KIT: variants seen among roughly 807,000 people sequenced by gnomAD.
KIT encodes the protein KIT proto-oncogene, receptor tyrosine kinase, also known as mast/stem cell growth factor receptor Kit.
A neutral mutation model predicts 105.7 loss-of-function variants in KIT; 16 were observed. That is an observed-to-expected ratio of 0.15 (90% CI 0.10 to 0.23). KIT has a LOEUF of 0.23. Ranked by LOEUF, KIT falls within the 10% of genes least tolerant of loss-of-function variation. The pLI is 1.00. For synonymous variants in KIT, 438 were observed against 441.1 expected (o/e 0.99, Z 0.09); for missense variants, 858 against 1,213.8 (o/e 0.71, Z 4.36).
chr4:54,677,350 G>A (rs993141301), intron 1 of KIT, among the ~76,000 whole-genome samples: 3 of 151,372 alleles, frequency 2.0e-5, no homozygotes, highest in Non-Finnish European at 4.4e-5. Flanking sequence ...CTGTGGCAGC[G>A]AAATTTCATA....
At chr4:54,674,484 GCT>G (rs1201858698) in intron 1 of KIT, among the ~76,000 whole-genome samples, 1 of 151,896 alleles carries the variant, frequency 6.6e-6, no homozygotes, top group Non-Finnish European at 1.5e-5. Context: ...TTTTGAGTCT[GCT>G]CTCTGTCAGT....
At chr4:54,670,719 A>T (rs767196422) in intron 1 of KIT, among the ~76,000 whole-genome samples, 7 of 152,104 alleles carry the variant, frequency 4.6e-5, no homozygotes, top group Non-Finnish European at 8.8e-5. Context: ...CCTCTCTCCC[A>T]AAGCCAGTCA....
At position 54,739,506 on chromosome 4, in the gene KIT, G is replaced by T; in HGVS notation, c.*949G>T. The stretch of plus-strand genomic sequence containing the variant: ...GAATGGCATTGTACTCAATGGATTT[G>T]ATGCTGTTTGACAAAGTTACTGATT... On this transcript the variant is annotated 3_prime_UTR_variant, in exon 21 of 21. Transcript: ENST00000288135. 1 of 233,532 alleles carries T rather than the reference G, an allele frequency of 4.3e-6. No homozygotes were observed. Among genetic ancestry groups the T allele is most frequent in the South Asian group, 1.8e-4 (1 of 5,526 alleles). 14.5% of individuals were successfully genotyped at this position (233,532 alleles called of 1,614,324 possible). A position where few individuals can be genotyped will look rare whatever the true frequency, so the allele number is the denominator to read the frequency against.
chr4:54,728,134 C>G lies in KIT; in HGVS notation c.1990+13C>G, dbSNP rs781535257. ...TGCACCATTGGAGGTAAAGCCGTGT[C>G]CAAGCTGCCTTTTATTGTCTGTCAG... On this transcript the variant is annotated intron_variant, in intron 13 of 20. Transcript: ENST00000288135. 1 of 1,557,156 alleles carries G rather than the reference C, an allele frequency of 6.4e-7. No individual in the cohort carries two copies.
At chr4:54,712,458 T>C (rs1721222197) in intron 7 of KIT, among the ~76,000 whole-genome samples, 1 of 152,190 alleles carries the variant, frequency 6.6e-6, no homozygotes, top group African/African-American at 2.4e-5. Context: ...GTGTTACCAC[T>C]GTTTCCCTGG....
At chr4:54,683,577 A>G (rs1719100137) in intron 1 of KIT, among the ~76,000 whole-genome samples, 3 of 152,212 alleles carry the variant, frequency 2.0e-5, no homozygotes, top group Admixed American at 2.0e-4. Context: ...CAAATATTAA[A>G]TATTTAACAG....
At chr4:54,724,064 A>C (rs1722066662) in intron 8 of KIT, among the ~76,000 whole-genome samples, 1 of 152,202 alleles carries the variant, frequency 6.6e-6, no homozygotes, top group Non-Finnish European at 1.5e-5. Flanking sequence ...TGAAAAAATT[A>C]CCTCAGTAGT....
chr4:54,684,467 A>G (rs528113775), intron 1 of KIT, among the ~76,000 whole-genome samples: 2 of 151,998 alleles, frequency 1.3e-5, no homozygotes, highest in Non-Finnish European at 2.9e-5. Context: ...CCTTCTAGTC[A>G]TCCCTCTGGC....
At chr4:54,689,738 A>G (rs937901330) in intron 1 of KIT, among the ~76,000 whole-genome samples, 5 of 152,208 alleles carry the variant, frequency 3.3e-5, no homozygotes, top group Non-Finnish European at 7.3e-5. Context: ...AGGATGTACT[A>G]TTTTTAAGTG....
intron 1 of KIT, among the ~76,000 whole-genome samples, chr4:54,683,481 G>GT (rs1295297680): frequency 1.3e-5 from 2 of 152,168 alleles, no homozygotes; most frequent in Non-Finnish European, 2.9e-5. Flanking sequence ...CCACCAAAAG[G>GT]TGGGGGGGTG....
chr4:54,733,101 T>C lies in KIT; in HGVS notation c.2393T>C (p.Ile798Thr), dbSNP rs1722709591. The stretch of plus-strand genomic sequence containing the variant: ...CACAGAGACTTGGCAGCCAGAAATA[T>C]CCTCCTTACTCATGGTCGGATCACA... ...CIHRDLAARN[I>T]LLTHGRITKI... The change falls in exon 17 of 21, where the codon ATC becomes ACC. Residue 798 changes from isoleucine (I) to threonine (T), a missense_variant. Physicochemically the swap from Ile to Thr is moderately conservative, Grantham distance 89 (BLOSUM62 -1). Coordinates refer to ENST00000288135, the MANE Select transcript of KIT (RefSeq NM_000222.3). 1.9e-6 allele frequency: 3 copies of C among 1,612,100 alleles called. No homozygotes were observed. Among genetic ancestry groups the C allele is most frequent in the Non-Finnish European group, 2.5e-6 (3 of 1,178,360 alleles).
chr4:54,686,880 A>G (rs41511044), intron 1 of KIT, among the ~76,000 whole-genome samples: 3,417 of 152,248 alleles, frequency 0.022, 139 homozygotes, highest in African/African-American at 0.078. Flanking sequence ...TGCCTAAATA[A>G]TTGCTTTAAT....
chr4:54,732,045 A>ATTTTTTTTT (rs71662297), intron 16 of KIT, 47 bp downstream of exon 16: 9 of 888,848 alleles, frequency 1.0e-5, no homozygotes, highest in Admixed American at 3.4e-5. Context: ...TGTTTTTTTG[A>ATTTTTTTTT]TTTTTTTTTT....
Position 54,715,700 on chromosome 4 carries a change from C to G in KIT, c.1231+6161C>G, listed in dbSNP as rs557578631. On this transcript the variant is annotated intron_variant, in intron 7 of 20. Transcript: ENST00000288135. Reference sequence around the variant, plus strand: ...AGACACCTCCCATCAGGCCCCACCTCCAGTATTCAGGATCAGTTTTTAAAC... The same window carrying G: ...AGACACCTCCCATCAGGCCCCACCTGCAGTATTCAGGATCAGTTTTTAAAC... Among the ~76,000 whole-genome samples, 355 of 152,268 alleles carry G rather than the reference C, an allele frequency of 2.3e-3. 2 individuals are homozygous for G. Among genetic ancestry groups the G allele is most frequent in the Non-Finnish European group, 4.0e-3 (270 of 68,030 alleles).
chr4:54,735,702 A>T (rs1193099012), intron 17 of KIT, among the ~76,000 whole-genome samples: 1 of 152,238 alleles, frequency 6.6e-6, no homozygotes, highest in Non-Finnish European at 1.5e-5. Flanking sequence ...TGTTTTACAG[A>T]AGAAGATACT....
intron 15 of KIT, 42 bp downstream of exon 15, chr4:54,731,461 A>C (rs779279594): frequency 7.9e-7 from 1 of 1,263,764 alleles, no homozygotes; most frequent in Non-Finnish European, 1.2e-6. Flanking sequence ...AACTTTACAG[A>C]GAGTATGTAT....
intron 1 of KIT, among the ~76,000 whole-genome samples, chr4:54,669,705 GAA>G (rs10603436): frequency 0.47 from 62,427 of 132,586 alleles, 13,508 homozygotes; most frequent in African/African-American, 0.51. Context: ...GTCCAGAAAG[GAA>G]AAAAAAAAAA....
chr4:54,684,635 C>T (rs757745994), intron 1 of KIT, among the ~76,000 whole-genome samples: 5 of 152,166 alleles, frequency 3.3e-5, no homozygotes, highest in Non-Finnish European at 5.9e-5. Flanking sequence ...GGTCCTCCCT[C>T]CACCTCCTCC....
intron 1 of KIT, among the ~76,000 whole-genome samples, chr4:54,675,772 A>G (rs745673939): frequency 9.2e-5 from 14 of 152,140 alleles, no homozygotes; most frequent in Non-Finnish European, 1.9e-4. Flanking sequence ...TTTTTCACTC[A>G]CTACAAATGG....
Sources: gnomAD v4.1 joint callset for allele counts (sites outside exome capture counted in the v4.1 genomes callset) on GRCh38, gnomAD v4.1.1 for gene constraint, MANE v1.5 for transcripts, NCBI Gene and HGNC (gene_info 2026-07-23, HGNC 2026-07-21) for gene names.